MTMR9: variants seen among roughly 807,000 people sequenced by gnomAD.
MTMR9 encodes the protein myotubularin related protein 9.
Under a neutral mutation model 69.5 loss-of-function variants are expected in MTMR9, and 39 were observed. The observed-to-expected ratio is 0.56, with a 90% CI of 0.43 to 0.73. MTMR9 has a LOEUF of 0.73. Among genes scored for constraint, MTMR9 ranks in the 30% least tolerant of loss-of-function variants. The pLI is 0.00. For synonymous variants in MTMR9, 354 were observed against 240.8 expected (o/e 1.47, Z -4.35); for missense variants, 900 against 671.2 (o/e 1.34, Z -3.77).
intron 6 of MTMR9, among the ~76,000 whole-genome samples, chr8:11,311,121 G>A (rs902989497): frequency 8.5e-5 from 13 of 152,092 alleles, no homozygotes; most frequent in Non-Finnish European, 1.5e-4. Flanking sequence ...GATAATTAAG[G>A]TACATATGCA....
In MTMR9 at chr8:11,326,363, G is replaced by A. The variant is rs1397088949; in HGVS notation, c.*3575G>A. The A allele has an allele frequency of 6.6e-6, 1 of 152,206 alleles. No homozygotes were observed. Among genetic ancestry groups the A allele is most frequent in the African/African-American group, 2.4e-5 (1 of 41,450 alleles). 9.4% of individuals were successfully genotyped at this position (152,206 alleles called of 1,614,324 possible). The stretch of plus-strand genomic sequence containing the variant: ...TTTATGAGCACTCTTTATCAGAAAG[G>A]TATTTCCTGGACCAGAAATGGGCAA... On this transcript the variant is annotated 3_prime_UTR_variant, in exon 10 of 10. Coordinates refer to ENST00000221086, the MANE Select transcript of MTMR9 (RefSeq NM_015458.4).
intron 3 of MTMR9, among the ~76,000 whole-genome samples, chr8:11,304,188 C>G (rs547726870): frequency 3.3e-5 from 5 of 152,078 alleles, no homozygotes; most frequent in African/African-American, 4.8e-5. Flanking sequence ...ATTTCATTGA[C>G]TCCTAAGCTT....
chr8:11,332,633 G>A (rs1208769143), downstream of MTMR9, among the ~76,000 whole-genome samples: 3 of 151,080 alleles, frequency 2.0e-5, no homozygotes, highest in East Asian at 5.9e-4. Context: ...ACAGAATCTT[G>A]CTCTGTCACA....
the MTMR9 span, among the ~76,000 whole-genome samples, chr8:11,338,284 C>G: frequency 6.6e-6 from 1 of 152,174 alleles, no homozygotes; most frequent in Non-Finnish European, 1.5e-5. Flanking sequence ...TTATATGGAC[C>G]AGCTTCTGTT....
At chr8:11,298,779 A>G (rs17153118) in intron 2 of MTMR9, 147,589 of 969,672 alleles carry the variant, frequency 0.15, 12,401 homozygotes, top group African/African-American at 0.34. Flanking sequence ...TGTGAGAAGG[A>G]TGAATCTGCC....
chr8:11,331,923 G>T, downstream of MTMR9: 1 of 1,612,060 alleles, frequency 6.2e-7, no homozygotes, highest in Non-Finnish European at 8.5e-7. Flanking sequence ...TGTGGGCTAT[G>T]CGGTCACCAA....
chr8:11,319,719 C>G lies in MTMR9; in HGVS notation c.1367C>G (p.Ser456Cys). The change falls in exon 9 of 10, where the codon TCT becomes TGT. Residue 456 changes from serine to cysteine, a missense_variant. Ser to Cys is a moderately radical substitution (Grantham distance 112). Coordinates refer to ENST00000221086, the MANE Select transcript of MTMR9 (RefSeq NM_015458.4). ...CKLKLQQKTM[S>C]LWSWVNQPSE... ...TTGAAGCTACAGCAGAAGACGATGT[C>G]TTTGTGGTCCTGGGTTAATCAGCCC... The G allele has an allele frequency of 1.2e-6, 2 of 1,614,092 alleles. No homozygotes were observed. Among genetic ancestry groups the G allele is most frequent in the African/African-American group, 2.7e-5 (2 of 75,050 alleles).
chr8:11,316,991 A>G, intron 8 of MTMR9, 98 bp downstream of exon 8: 2 of 661,792 alleles, frequency 3.0e-6, no homozygotes, highest in South Asian at 5.2e-5. Flanking sequence ...TTGGATCTAT[A>G]TTAAAATTAT....
chr8:11,302,253 CAAAAAAAAAA>C (rs34305448), intron 3 of MTMR9, among the ~76,000 whole-genome samples: 4 of 58,976 alleles, frequency 6.8e-5, no homozygotes, highest in African/African-American at 6.8e-5. Context: ...ACCCTGTCTC[CAAAAAAAAAA>C]AAAAAAAAAA....
chr8:11,322,664 A>G lies in MTMR9; in HGVS notation c.1526A>G (p.Asp509Gly), dbSNP rs749979124. 4 of 1,613,758 alleles carry G rather than the reference A, an allele frequency of 2.5e-6. No individual in the cohort carries two copies. The highest frequency in any genetic ancestry group is 3.4e-6 in the Non-Finnish European group (4 of 1,179,828). ...TGGAATAGATCCTCTAAGTATTTGG[A>G]TGAAGCATATGAAGAAATGGTTAAC... ...LRWNRSSKYL[D>G]EAYEEMVNII... is the part of the protein sequence containing the mutation. Residue 509 changes from aspartate (D) to glycine (G), a missense_variant, in exon 10 of 10, where the codon GAT becomes GGT. Physicochemically the swap from Asp to Gly is moderately conservative, Grantham distance 94. Transcript: ENST00000221086.
intron 5 of MTMR9, among the ~76,000 whole-genome samples, chr8:11,307,296 T>C (rs182811686): frequency 6.6e-6 from 1 of 152,334 alleles, no homozygotes; most frequent in East Asian, 1.9e-4. Context: ...GGTCTCGAAC[T>C]CCTGACCTCA....
At chr8:11,333,883 A>G in the MTMR9 span, among the ~76,000 whole-genome samples, 1 of 152,238 alleles carries the variant, frequency 6.6e-6, no homozygotes, top group Non-Finnish European at 1.5e-5. Flanking sequence ...TTGTGATGGT[A>G]TTAAGAGGTG....
intron 1 of MTMR9, among the ~76,000 whole-genome samples, chr8:11,292,063 A>G (rs914493775): frequency 6.6e-6 from 1 of 152,194 alleles, no homozygotes; most frequent in South Asian, 2.1e-4. Context: ...TTCTTTTCCA[A>G]GTAGTCACAG....
downstream of MTMR9, chr8:11,331,967 T>A (rs769552963): frequency 3.1e-6 from 5 of 1,612,018 alleles, no homozygotes; most frequent in Non-Finnish European, 4.2e-6. Flanking sequence ...CTGTCCTGCA[T>A]TCCGAGGTGG....
chr8:11,319,748 G>A lies in MTMR9; in HGVS notation c.1396G>A (p.Glu466Lys), dbSNP rs1289314485. The A allele has an allele frequency of 6.2e-7, 1 of 1,614,172 alleles. No individual in the cohort carries two copies. The highest frequency in any genetic ancestry group is 1.1e-5 in the South Asian group (1 of 91,084). Residue 466 changes from glutamate (E) to lysine (K), a missense_variant, in exon 9 of 10, where the codon GAG becomes AAG. Coordinates refer to ENST00000221086, the MANE Select transcript of MTMR9 (RefSeq NM_015458.4). ...GTGGTCCTGGGTTAATCAGCCCAGTGAGCTGAGTAAATTCACCAATCCCCT... is the reference window on the plus strand; with the variant it reads ...GTGGTCCTGGGTTAATCAGCCCAGTAAGCTGAGTAAATTCACCAATCCCCT... ...SLWSWVNQPSELSKFTNPLFE... is the reference protein window; with the variant it reads ...SLWSWVNQPSKLSKFTNPLFE...
At chr8:11,313,436 T>C (rs1800284786) in intron 6 of MTMR9, among the ~76,000 whole-genome samples, 1 of 152,226 alleles carries the variant, frequency 6.6e-6, no homozygotes, top group South Asian at 2.1e-4. Context: ...CAGGAACTTC[T>C]CCTTTGCATT....
intron 6 of MTMR9, among the ~76,000 whole-genome samples, chr8:11,311,262 A>G (rs1474822171): frequency 1.3e-5 from 2 of 152,214 alleles, no homozygotes; most frequent in Admixed American, 6.5e-5. Flanking sequence ...AGAACCCCCA[A>G]AGAATTCAAC....
chr8:11,325,831 A>G lies in MTMR9; in HGVS notation c.*3043A>G, dbSNP rs1800908175. The G allele has an allele frequency of 6.6e-6, 1 of 152,176 alleles. No individual in the cohort carries two copies. The highest frequency in any genetic ancestry group is 1.5e-5 in the Non-Finnish European group (1 of 68,034). 9.4% of individuals were successfully genotyped at this position (152,176 alleles called of 1,614,324 possible). On this transcript the variant is annotated 3_prime_UTR_variant, in exon 10 of 10. Transcript: ENST00000221086. ...AAATAGTAAAATTCAGTAGGTTTAA[A>G]ACAATCTATAAATGTATTTTATTTC...
At chr8:11,293,497 G>T (rs998656760) in intron 1 of MTMR9, among the ~76,000 whole-genome samples, 1 of 152,138 alleles carries the variant, frequency 6.6e-6, no homozygotes, top group African/African-American at 2.4e-5. Context: ...GGAATGCCCC[G>T]TGGCTTACCT....
Sources: gnomAD v4.1 joint callset for allele counts (sites outside exome capture counted in the v4.1 genomes callset) on GRCh38, gnomAD v4.1.1 for gene constraint, MANE v1.5 for transcripts, NCBI Gene and HGNC (gene_info 2026-07-23, HGNC 2026-07-21) for gene names.